The following NEMP2 variants were observed in gnomAD, a reference collection of about 807,000 sequenced individuals.
NEMP2 encodes nuclear envelope integral membrane protein 2.
In NEMP2, 53 loss-of-function variants were observed where a neutral mutation model predicts 54.2. The ratio of observed to expected loss-of-function variants is 0.98; its 90% CI spans 0.78 to 1.23. The LOEUF is 1.23. NEMP2 is among the 50% of genes most tolerant of loss of function. The pLI is 0.00. For synonymous variants in NEMP2, 197 were observed against 190.3 expected (o/e 1.04, Z -0.29); for missense variants, 455 against 511.3 (o/e 0.89, Z 1.06).
the NEMP2 span, among the ~76,000 whole-genome samples, chr2:190,564,233 C>CTTAT: frequency 6.6e-6 from 1 of 151,970 alleles, no homozygotes; most frequent in Non-Finnish European, 1.5e-5. This position sits in a 1 kb window ranked among gnomAD's most constrained non-coding sequence, Gnocchi z 4.2. Context: ...TTTGTGTTTA[C>CTTAT]TTATTTATTT....
the NEMP2 span, among the ~76,000 whole-genome samples, chr2:190,423,476 A>G: frequency 1.3e-5 from 2 of 152,150 alleles, no homozygotes; most frequent in African/African-American, 4.8e-5. This position sits in a 1 kb window ranked among gnomAD's most constrained non-coding sequence, Gnocchi z 4.3. Flanking sequence ...GCTCCTTTTT[A>G]TTGCTGCATA....
chr2:190,567,449 G>A, the NEMP2 span, among the ~76,000 whole-genome samples: 1 of 151,902 alleles, frequency 6.6e-6, no homozygotes, highest in Non-Finnish European at 1.5e-5. The surrounding 1 kb of genome is among the most constrained non-coding windows in gnomAD (Gnocchi z 4.0). Context: ...AATAAAAAAC[G>A]GCCCACACCA....
the NEMP2 span, among the ~76,000 whole-genome samples, chr2:190,486,814 T>A: frequency 1.2e-4 from 18 of 152,370 alleles, no homozygotes; most frequent in Admixed American, 8.5e-4. Flanking sequence ...TGGAACCAGA[T>A]GATTTCTTAA....
chr2:190,620,010 C>G, the NEMP2 span, among the ~76,000 whole-genome samples: 1 of 152,178 alleles, frequency 6.6e-6, no homozygotes, highest in Non-Finnish European at 1.5e-5. This position sits in a 1 kb window ranked among gnomAD's most constrained non-coding sequence, Gnocchi z 4.9. Flanking sequence ...CCTGGTGGTT[C>G]TTATTCTGTA....
chr2:190,595,555 C>G, the NEMP2 span, among the ~76,000 whole-genome samples: 3 of 151,898 alleles, frequency 2.0e-5, no homozygotes, highest in South Asian at 6.2e-4. This position sits in a 1 kb window ranked among gnomAD's most constrained non-coding sequence, Gnocchi z 4.0. Context: ...AACAAATTTA[C>G]AAGAAAAAAA....
the NEMP2 span, chr2:190,648,495 A>C: frequency 7.0e-6 from 1 of 143,198 alleles, no homozygotes; most frequent in Admixed American, 6.9e-5. Context: ...TGCGGGGGCC[A>C]GGGGAGCCCG....
chr2:190,534,446 C>T (rs925563531), intron 1 of NEMP2, 113 bp downstream of exon 1: 1 of 1,231,082 alleles, frequency 8.1e-7, no homozygotes, highest in Non-Finnish European at 1.0e-6. Context: ...AGGGAGCGCC[C>T]GCCCCAGTGG....
At chr2:190,442,059 G>A in the NEMP2 span, among the ~76,000 whole-genome samples, 1 of 152,196 alleles carries the variant, frequency 6.6e-6, no homozygotes, top group Non-Finnish European at 1.5e-5. Context: ...AAAGCAAAAA[G>A]ATGGTAGACC....
the NEMP2 span, among the ~76,000 whole-genome samples, chr2:190,615,181 C>T: frequency 6.6e-6 from 1 of 152,164 alleles, no homozygotes; most frequent in Non-Finnish European, 1.5e-5. The surrounding 1 kb of genome is among the most constrained non-coding windows in gnomAD (Gnocchi z 4.7). Flanking sequence ...CTCAGTCCCA[C>T]AAGACTTCCC....
chr2:190,477,317 A>C, the NEMP2 span: 1 of 984,816 alleles, frequency 1.0e-6, no homozygotes, highest in Non-Finnish European at 1.2e-6. Flanking sequence ...TTCTATCCTG[A>C]CCTGGCTTAA....
chr2:190,481,028 C>T, the NEMP2 span, among the ~76,000 whole-genome samples: 10 of 152,154 alleles, frequency 6.6e-5, no homozygotes, highest in African/African-American at 2.4e-4. Flanking sequence ...CTAGTCAGTG[C>T]ACACTATTAA....
At chr2:190,635,432 T>G in the NEMP2 span, among the ~76,000 whole-genome samples, 59 of 152,318 alleles carry the variant, frequency 3.9e-4, no homozygotes, top group African/African-American at 1.4e-3. The surrounding 1 kb of genome is among the most constrained non-coding windows in gnomAD (Gnocchi z 4.1). Context: ...CAGGCTGGTC[T>G]CAAACTCTTG....
At position 190,512,176 on chromosome 2, in the gene NEMP2, A is replaced by T. The variant is rs1690389860; in HGVS notation, c.954-1639T>A. Among the ~76,000 whole-genome samples the T allele has an allele frequency of 6.6e-6, 1 of 152,124 alleles. No individual in the cohort carries two copies. The highest frequency in any genetic ancestry group is 2.4e-5 in the African/African-American group (1 of 41,452). On this transcript the variant is annotated intron_variant, in intron 7 of 8. Coordinates refer to ENST00000409150, the MANE Select transcript of NEMP2 (RefSeq NM_001142645.2). The surrounding 1 kb of genome is among the most constrained non-coding windows in gnomAD (Gnocchi z 4.5). ...ACCTGGACATAGTCCTGGCTTTGAGATTTATTCACTATATGAACTTGGGGA... is the reference window on the plus strand; with the variant it reads ...ACCTGGACATAGTCCTGGCTTTGAGTTTTATTCACTATATGAACTTGGGGA...
the NEMP2 span, chr2:190,641,497 G>A: frequency 6.6e-6 from 1 of 152,502 alleles, no homozygotes; most frequent in East Asian, 1.9e-4. Context: ...ACTGAGCTGG[G>A]AGAGTGGGCA....
the NEMP2 span, among the ~76,000 whole-genome samples, chr2:190,424,555 G>A: frequency 2.6e-5 from 4 of 152,042 alleles, no homozygotes; most frequent in Admixed American, 6.6e-5. The surrounding 1 kb of genome is among the most constrained non-coding windows in gnomAD (Gnocchi z 5.9). Flanking sequence ...GGATGGTCTC[G>A]AACTCCTGAC....
chr2:190,497,380 C>T, the NEMP2 span: 1 of 1,551,362 alleles, frequency 6.4e-7, no homozygotes, highest in African/African-American at 1.4e-5. The surrounding 1 kb of genome is among the most constrained non-coding windows in gnomAD (Gnocchi z 5.2). Flanking sequence ...TTATTTTTAC[C>T]TTTGTTCAAA....
At chr2:190,568,507 G>C in the NEMP2 span, among the ~76,000 whole-genome samples, 1 of 152,088 alleles carries the variant, frequency 6.6e-6, no homozygotes, top group Non-Finnish European at 1.5e-5. This position sits in a 1 kb window ranked among gnomAD's most constrained non-coding sequence, Gnocchi z 4.7. Context: ...AATAATATTT[G>C]TCATTTTAAT....
At chr2:190,616,324 G>A in the NEMP2 span, among the ~76,000 whole-genome samples, 2 of 152,194 alleles carry the variant, frequency 1.3e-5, no homozygotes, top group African/African-American at 2.4e-5. This position sits in a 1 kb window ranked among gnomAD's most constrained non-coding sequence, Gnocchi z 5.1. Context: ...ACAGTAAAAT[G>A]GTACTGGAAT....
chr2:190,606,874 T>C, the NEMP2 span, among the ~76,000 whole-genome samples: 1 of 152,196 alleles, frequency 6.6e-6, no homozygotes, highest in African/African-American at 2.4e-5. Context: ...TTCTATTTAA[T>C]TGTGGAGCAA....
Sources: allele counts gnomAD v4.1 joint callset (sites outside exome capture counted in the v4.1 genomes callset), GRCh38; gene constraint gnomAD v4.1.1; non-coding constraint Gnocchi (gnomAD v3.1); transcripts MANE v1.5; gene names NCBI Gene and HGNC (gene_info 2026-07-23, HGNC 2026-07-21).